AAMDC: variants seen among roughly 807,000 people sequenced by gnomAD.
AAMDC encodes adipogenesis associated Mth938 domain containing.
AAMDC carries 16 observed loss-of-function variants against 15.5 expected under a neutral mutation model. The observed-to-expected ratio is 1.03, with a 90% confidence interval of 0.70 to 1.57. AAMDC has a LOEUF of 1.57. AAMDC is among the 40% of genes most tolerant of loss of function. AAMDC has a pLI of 0.00. For missense variants in AAMDC, 141 were observed against 144.9 expected, an observed-to-expected ratio of 0.97 and a Z score of 0.14; for synonymous variants, 51 against 51.6, an observed-to-expected ratio of 0.99 and a Z score of 0.05.
downstream of AAMDC, chr11:77,900,800 A>G: frequency 3.4e-6 from 2 of 594,844 alleles, no homozygotes; most frequent in Non-Finnish European, 6.0e-6. Context: ...CAGTTATCTG[A>G]AAGTCTTACA....
At chr11:77,867,798 T>C (rs1051867084) in intron 2 of AAMDC, among the ~76,000 whole-genome samples, 1 of 152,168 alleles carries the variant, frequency 6.6e-6, no homozygotes, top group African/African-American at 2.4e-5. Flanking sequence ...ACACATCACC[T>C]TAAATGTGCC....
chr11:77,829,951 G>A (rs1949345485), intron 1 of AAMDC: 1 of 152,138 alleles, frequency 6.6e-6, no homozygotes, highest in Non-Finnish European at 1.5e-5. Context: ...GGGAAACATA[G>A]TGAGACCCCA....
downstream of AAMDC, among the ~76,000 whole-genome samples, chr11:77,876,415 T>C (rs1453015861): frequency 2.0e-5 from 3 of 151,874 alleles, no homozygotes; most frequent in African/African-American, 4.8e-5. Context: ...TTTTTTTTTT[T>C]CACTTCAGTG....
chr11:77,877,807 T>G (rs940734499), intron 5 of AAMDC, among the ~76,000 whole-genome samples: 4 of 152,096 alleles, frequency 2.6e-5, no homozygotes, highest in African/African-American at 9.6e-5. Flanking sequence ...GGTCTTGAAC[T>G]CCTGGGCTCA....
At chr11:77,878,689 C>T in intron 5 of AAMDC, 2 of 684,528 alleles carry the variant, frequency 2.9e-6, no homozygotes, top group Non-Finnish European at 5.3e-6. Context: ...TAGCCACACG[C>T]ATTTCTTTAC....
intron 1 of AAMDC, among the ~76,000 whole-genome samples, chr11:77,838,957 T>G (rs1949813488): frequency 6.6e-6 from 1 of 152,182 alleles, no homozygotes; most frequent in South Asian, 2.1e-4. Flanking sequence ...AGTGCTAGAA[T>G]TTCCATTTTA....
intron 2 of AAMDC, chr11:77,868,718 G>A (rs1951250509): frequency 4.6e-6 from 1 of 219,388 alleles, no homozygotes; most frequent in Non-Finnish European, 1.0e-5. Context: ...ACAAATTATG[G>A]CGTGAATTCA....
intron 5 of AAMDC, chr11:77,891,889 C>T (rs1392805509): frequency 2.5e-6 from 4 of 1,609,098 alleles, no homozygotes; most frequent in Admixed American, 3.3e-5. Context: ...TGCACTCATT[C>T]ACCACAGGCT....
intron 5 of AAMDC, chr11:77,884,712 T>C: frequency 3.6e-6 from 1 of 274,400 alleles, no homozygotes; most frequent in South Asian, 3.3e-5. Context: ...ATCCTTCATC[T>C]CTCCTCAGGT....
At chr11:77,904,427 A>G (rs1952878175), downstream of AAMDC, among the ~76,000 whole-genome samples, 1 of 152,244 alleles carries the variant, frequency 6.6e-6, no homozygotes, top group African/African-American at 2.4e-5. Flanking sequence ...TTAACCCAGT[A>G]TATCCAAGAT....
intron 2 of AAMDC, among the ~76,000 whole-genome samples, chr11:77,852,786 AC>A (rs1357514302): frequency 6.6e-6 from 1 of 152,098 alleles, no homozygotes; most frequent in Non-Finnish European, 1.5e-5. Context: ...CATTTTCCAT[AC>A]GCAAAAGGTA....
At chr11:77,829,521 TG>T in intron 1 of AAMDC, 1 of 152,316 alleles carries the variant, frequency 6.6e-6, no homozygotes, top group South Asian at 2.1e-4. Flanking sequence ...GAATAGTTTT[TG>T]CAACAAATGA....
At chr11:77,856,139 C>G (rs1950612617) in intron 2 of AAMDC, among the ~76,000 whole-genome samples, 1 of 152,104 alleles carries the variant, frequency 6.6e-6, no homozygotes, top group Admixed American at 6.6e-5. Context: ...GAAAGGTCTT[C>G]CACCAGATAC....
chr11:77,841,310 C>G, intron 1 of AAMDC: 1 of 684,210 alleles, frequency 1.5e-6, no homozygotes, highest in South Asian at 1.5e-5. Flanking sequence ...TAGCACTAAA[C>G]TAAATCTATG....
At chr11:77,844,883 G>C (rs745601827) in intron 2 of AAMDC, among the ~76,000 whole-genome samples, 8 of 152,120 alleles carry the variant, frequency 5.3e-5, no homozygotes, top group Non-Finnish European at 1.2e-4. Flanking sequence ...GTTGGATATA[G>C]ATTTCTTTGA....
At chr11:77,829,336 G>A (rs1325510830) in intron 1 of AAMDC, among the ~76,000 whole-genome samples, 1 of 152,118 alleles carries the variant, frequency 6.6e-6, no homozygotes, top group Admixed American at 6.5e-5. Flanking sequence ...CCAGAACTGT[G>A]AAAAATAAAT....
intron 3 of AAMDC, among the ~76,000 whole-genome samples, chr11:77,871,409 C>T (rs772075862): frequency 8.5e-5 from 13 of 152,128 alleles, no homozygotes; most frequent in Admixed American, 2.0e-4. Context: ...AAACTGGTGA[C>T]GGTGCGATAA....
At chr11:77,881,015 T>C (rs1207181548) in intron 5 of AAMDC, among the ~76,000 whole-genome samples, 3 of 152,054 alleles carry the variant, frequency 2.0e-5, no homozygotes, top group Non-Finnish European at 4.4e-5. Flanking sequence ...CCCTACAGGG[T>C]CATTTTGCAT....
At chr11:77,863,383 G>A (rs573989284) in intron 2 of AAMDC, among the ~76,000 whole-genome samples, 5 of 152,232 alleles carry the variant, frequency 3.3e-5, no homozygotes, top group South Asian at 4.1e-4. Flanking sequence ...AACTCAGCTC[G>A]AGCCATAACA....
Sources: gnomAD v4.1 joint callset for allele counts (sites outside exome capture counted in the v4.1 genomes callset) on GRCh38, gnomAD v4.1.1 for gene constraint, MANE v1.5 for transcripts, NCBI Gene and HGNC (gene_info 2026-07-23, HGNC 2026-07-21) for gene names.